RP2: variants seen among roughly 807,000 people sequenced by gnomAD.
RP2 encodes protein XRP2.
RP2 carries 3 observed loss-of-function variants against 20.3 expected under a neutral mutation model. The ratio of observed to expected loss-of-function variants is 0.15; its 90% CI spans 0.07 to 0.38. RP2 has a LOEUF of 0.38. Ranked by LOEUF, RP2 falls within the 10% of genes least tolerant of loss-of-function variation. RP2 has a pLI of 1.00. For missense variants in RP2, 233 were observed against 268.5 expected, an observed-to-expected ratio of 0.87 and a Z score of 0.92; for synonymous variants, 75 against 94.8, an observed-to-expected ratio of 0.79 and a Z score of 1.22.
chrX:46,861,472 A>T (rs1234910358), intron 3 of RP2, among the ~76,000 whole-genome samples: 2 of 111,983 alleles, frequency 1.8e-5, no homozygotes, highest in African/African-American at 6.5e-5. Context: ...TCAAAGACTG[A>T]TGAGTTCATA....
At chrX:46,878,249 C>T (rs1001617316) in intron 4 of RP2, among the ~76,000 whole-genome samples, 3 of 107,998 alleles carry the variant, frequency 2.8e-5, no homozygotes, top group South Asian at 4.1e-4. Flanking sequence ...TAGTGGCGGG[C>T]GCCTGTAGTC....
intron 1 of RP2, among the ~76,000 whole-genome samples, chrX:46,840,017 G>A (rs1219128519): frequency 9.0e-6 from 1 of 111,684 alleles, no homozygotes; most frequent in Non-Finnish European, 1.9e-5. Context: ...CTCTGTCATC[G>A]CCCAGGCTGG....
chrX:46,859,899 A>AT lies in RP2; in HGVS notation c.769-85dup, dbSNP rs112659460. 9.7e-4 allele frequency: 643 copies of AT among 660,912 alleles called. 1 individual carries two copies. In the African/African-American group the frequency reaches 0.011, roughly 12 times the overall value. The allele number at this position is 660,912 out of a possible 1,213,427, so 54.5% of individuals were successfully genotyped here. On this transcript the variant is annotated intron_variant, in intron 2 of 4. Transcript: ENST00000218340. ...ACAAAAATCAGTGTGCTGTTGTTGC[A>AT]TTTTATACAGAGAAATACTAGAATA...
chrX:46,879,062 T>TAAAAAAAA (rs35579507), intron 4 of RP2, among the ~76,000 whole-genome samples: 5 of 33,047 alleles, frequency 1.5e-4, no homozygotes, highest in Non-Finnish European at 1.3e-4. Flanking sequence ...CTACAAAAAG[T>TAAAAAAAA]AAAAAAAAAA....
intron 3 of RP2, among the ~76,000 whole-genome samples, chrX:46,871,798 C>A (rs190506093): frequency 2.7e-5 from 3 of 112,111 alleles, no homozygotes; most frequent in Admixed American, 9.4e-5. Flanking sequence ...AGTGTTGAAG[C>A]CTCCAACTGT....
chrX:46,878,102 C>T (rs373291319), intron 4 of RP2, among the ~76,000 whole-genome samples: 1 of 110,204 alleles, frequency 9.1e-6, no homozygotes, highest in Non-Finnish European at 1.9e-5. Flanking sequence ...AGGCCGGGCG[C>T]GGTGGCTCAC....
intron 1 of RP2, among the ~76,000 whole-genome samples, chrX:46,847,790 G>A (rs28532223): frequency 0.024 from 1,913 of 79,888 alleles, 70 homozygotes; most frequent in African/African-American, 0.096. Flanking sequence ...ATACACACAT[G>A]TGTGTGTGTA....
chrX:46,840,311 G>A (rs1435801839), intron 1 of RP2, among the ~76,000 whole-genome samples: 1 of 111,901 alleles, frequency 8.9e-6, no homozygotes, highest in Non-Finnish European at 1.9e-5. Flanking sequence ...CACCCCTTGG[G>A]TTTTGGGGTT....
chrX:46,843,180 TGTATTTTTA>T (rs1924656462), intron 1 of RP2, among the ~76,000 whole-genome samples: 1 of 110,228 alleles, frequency 9.1e-6, no homozygotes, highest in Non-Finnish European at 1.9e-5. Flanking sequence ...GCTAATTTTT[TGTATTTTTA>T]GTAGAGACGG....
At chrX:46,875,613 TAATA>T (rs1329568611) in intron 3 of RP2, among the ~76,000 whole-genome samples, 1 of 111,483 alleles carries the variant, frequency 9.0e-6, no homozygotes, top group Non-Finnish European at 1.9e-5. Context: ...ATATTAATTT[TAATA>T]AATCAGAGTC....
chrX:46,879,339 G>A (rs1456044073), intron 4 of RP2, among the ~76,000 whole-genome samples: 3 of 110,401 alleles, frequency 2.7e-5, no homozygotes, highest in Non-Finnish European at 5.7e-5. Context: ...ATTATTATTA[G>A]AAAATAGAAG....
At chrX:46,860,178 A>G (rs893960694) in intron 3 of RP2, 76 bp downstream of exon 3, 34 of 704,258 alleles carry the variant, frequency 4.8e-5, no homozygotes, top group Non-Finnish European at 6.9e-5. Flanking sequence ...TGCCTTTAAC[A>G]TTTGTTTTAC....
At chrX:46,854,242 C>A in intron 2 of RP2, 101 bp downstream of exon 2, 2 of 836,165 alleles carry the variant, frequency 2.4e-6, no homozygotes, top group Non-Finnish European at 3.4e-6. Flanking sequence ...GAAATACAGG[C>A]AACCCTCAAG....
At chrX:46,841,775 C>G (rs1924626328) in intron 1 of RP2, among the ~76,000 whole-genome samples, 1 of 112,504 alleles carries the variant, frequency 8.9e-6, no homozygotes, top group African/African-American at 3.2e-5. Context: ...AAGAATTTGC[C>G]AGTAGGTTTT....
intron 1 of RP2, among the ~76,000 whole-genome samples, chrX:46,847,065 T>C (rs1924727575): frequency 1.8e-5 from 2 of 111,096 alleles, no homozygotes; most frequent in African/African-American, 6.5e-5. Flanking sequence ...TTCTAATAGG[T>C]GTGTAGTGAT....
intron 3 of RP2, among the ~76,000 whole-genome samples, chrX:46,876,704 A>G (rs1311058212): frequency 2.7e-5 from 3 of 111,332 alleles, no homozygotes; most frequent in Non-Finnish European, 5.6e-5. Context: ...TGTACCTTGT[A>G]CTGCAGCACA....
chrX:46,855,401 G>A (rs1569531684), intron 2 of RP2, among the ~76,000 whole-genome samples: 1 of 111,035 alleles, frequency 9.0e-6, no homozygotes, highest in Non-Finnish European at 1.9e-5. Flanking sequence ...GGTTCCTTCA[G>A]GAGGAATCTG....
chrX:46,845,423 C>T (rs1445587808), intron 1 of RP2, among the ~76,000 whole-genome samples: 1 of 112,054 alleles, frequency 8.9e-6, no homozygotes, highest in East Asian at 2.8e-4. Context: ...AATGTTTAAA[C>T]TTTAAGTATT....
intron 3 of RP2, among the ~76,000 whole-genome samples, chrX:46,870,256 C>T (rs947038077): frequency 1.3e-4 from 14 of 110,992 alleles, no homozygotes; most frequent in African/African-American, 2.9e-4. Flanking sequence ...TACAGGTTCA[C>T]TCCACCATGC....
Sources: allele counts gnomAD v4.1 joint callset (sites outside exome capture counted in the v4.1 genomes callset), GRCh38; gene constraint gnomAD v4.1.1; transcripts MANE v1.5; gene names NCBI Gene and HGNC (gene_info 2026-07-23, HGNC 2026-07-21).